Variants in SNTG1 observed in about 807,000 individuals in gnomAD.
The protein encoded by SNTG1 is gamma-1-syntrophin.
SNTG1 carries 39 observed loss-of-function variants against 74.7 expected under a neutral mutation model. The ratio of observed to expected loss-of-function variants is 0.52; its 90% CI spans 0.40 to 0.68. The LOEUF (loss-of-function observed/expected upper bound fraction) is 0.68, where lower values mean the gene tolerates loss of function less well. Among genes scored for constraint, SNTG1 ranks in the 30% least tolerant of loss-of-function variants. The pLI is 0.00. For missense variants in SNTG1, 685 were observed against 609.5 expected (o/e 1.12, Z -1.30); for synonymous variants, 254 against 217.1 (o/e 1.17, Z -1.49).
At chr8:50,072,462 A>C (rs1821454154) in intron 1 of SNTG1, among the ~76,000 whole-genome samples, 1 of 152,210 alleles carries the variant, frequency 6.6e-6, no homozygotes, top group African/African-American at 2.4e-5. Context: ...TATACAGTTA[A>C]TACTTGCCTG....
chr8:50,052,926 A>G (rs1408897030), intron 1 of SNTG1, among the ~76,000 whole-genome samples: 1 of 152,148 alleles, frequency 6.6e-6, no homozygotes, highest in Admixed American at 6.6e-5. Flanking sequence ...ATGCTGGCCC[A>G]GATGCAGAGG....
At chr8:50,209,930 G>A (rs776162759) in intron 2 of SNTG1, among the ~76,000 whole-genome samples, 10 of 152,158 alleles carry the variant, frequency 6.6e-5, no homozygotes, top group African/African-American at 2.4e-4. Context: ...AAACTTCTCT[G>A]AACTAAAGGA....
intron 2 of SNTG1, among the ~76,000 whole-genome samples, chr8:50,365,716 C>T (rs1210027584): frequency 1.3e-5 from 2 of 152,020 alleles, no homozygotes; most frequent in Non-Finnish European, 2.9e-5. Context: ...TTACAATAGA[C>T]TGATTATTTT....
At chr8:50,332,227 A>G (rs1340068782) in intron 2 of SNTG1, among the ~76,000 whole-genome samples, 1 of 152,220 alleles carries the variant, frequency 6.6e-6, no homozygotes, top group Non-Finnish European at 1.5e-5. Flanking sequence ...TTTATGACAT[A>G]CATATTATTC....
chr8:50,295,982 C>T (rs2089349086), intron 2 of SNTG1, among the ~76,000 whole-genome samples: 1 of 152,118 alleles, frequency 6.6e-6, no homozygotes, highest in Admixed American at 6.6e-5. Flanking sequence ...GTGTGCATAG[C>T]TCATTAATGT....
intron 18 of SNTG1, among the ~76,000 whole-genome samples, chr8:50,761,566 G>C (rs1585729646): frequency 6.6e-6 from 1 of 151,664 alleles, no homozygotes; most frequent in Non-Finnish European, 1.5e-5. Flanking sequence ...TTTCTCTTGA[G>C]GGCAGGCCTT....
At chr8:50,470,274 T>C (rs2093641366) in intron 8 of SNTG1, among the ~76,000 whole-genome samples, 1 of 152,184 alleles carries the variant, frequency 6.6e-6, no homozygotes, top group African/African-American at 2.4e-5. Flanking sequence ...GAAATGTCAA[T>C]ATGAGATTAT....
intron 13 of SNTG1, among the ~76,000 whole-genome samples, chr8:50,597,036 T>C (rs1049483772): frequency 6.6e-6 from 1 of 151,862 alleles, no homozygotes; most frequent in Non-Finnish European, 1.5e-5. Context: ...TGTAACTTTG[T>C]ACCCACAGGC....
chr8:50,570,992 C>G (rs1466782561), intron 12 of SNTG1, among the ~76,000 whole-genome samples: 2 of 152,042 alleles, frequency 1.3e-5, no homozygotes, highest in African/African-American at 2.4e-5. Flanking sequence ...TACAAGCGTT[C>G]CCCTTTCTCT....
At chr8:50,235,926 G>A (rs60372370) in intron 2 of SNTG1, among the ~76,000 whole-genome samples, 2,564 of 152,006 alleles carry the variant, frequency 0.017, 72 homozygotes, top group African/African-American at 0.059. Context: ...ATTTAAAGTA[G>A]ATAATATTCT....
At chr8:50,512,807 A>G (rs191169804) in intron 9 of SNTG1, among the ~76,000 whole-genome samples, 4 of 152,104 alleles carry the variant, frequency 2.6e-5, no homozygotes, top group East Asian at 3.9e-4. Flanking sequence ...TATTTTAGTT[A>G]GCCATTCATC....
chr8:50,655,316 C>T (rs1165523669), intron 13 of SNTG1, among the ~76,000 whole-genome samples: 1 of 152,112 alleles, frequency 6.6e-6, no homozygotes, highest in East Asian at 1.9e-4. Context: ...TATTAAGCTT[C>T]ATTTACCTTT....
chr8:50,587,383 GCA>G (rs1053016155), intron 12 of SNTG1, among the ~76,000 whole-genome samples: 1 of 152,080 alleles, frequency 6.6e-6, no homozygotes, highest in African/African-American at 2.4e-5. Flanking sequence ...TGTAATGAAT[GCA>G]CAGTGTTATA....
intron 2 of SNTG1, among the ~76,000 whole-genome samples, chr8:50,258,960 C>T (rs1338443719): frequency 1.3e-5 from 2 of 151,850 alleles, no homozygotes; most frequent in East Asian, 1.9e-4. Context: ...TCAACAAGGT[C>T]TAAACAGGAA....
chr8:50,202,115 TG>T (rs1458402364), intron 2 of SNTG1, among the ~76,000 whole-genome samples: 7 of 152,178 alleles, frequency 4.6e-5, no homozygotes, highest in Non-Finnish European at 1.0e-4. Flanking sequence ...ACCCCATCAA[TG>T]AGGTTGTTTC....
chr8:50,169,589 G>A (rs568001349), intron 1 of SNTG1, among the ~76,000 whole-genome samples: 6 of 152,300 alleles, frequency 3.9e-5, no homozygotes, highest in Admixed American at 2.6e-4. Flanking sequence ...TATTCCAGTT[G>A]GATAGAAACT....
intron 5 of SNTG1, among the ~76,000 whole-genome samples, chr8:50,444,897 G>A (rs2093392170): frequency 6.6e-6 from 1 of 151,752 alleles, no homozygotes; most frequent in African/African-American, 2.4e-5. Flanking sequence ...TAGCTTTATT[G>A]AGGTATAATT....
intron 2 of SNTG1, among the ~76,000 whole-genome samples, chr8:50,366,058 T>A (rs2092100122): frequency 6.6e-6 from 1 of 152,120 alleles, no homozygotes; most frequent in African/African-American, 2.4e-5. Context: ...ACCTGAGTAT[T>A]TGAGGAATAT....
At chr8:50,751,753 A>C (rs2095567888) in intron 17 of SNTG1, among the ~76,000 whole-genome samples, 1 of 152,072 alleles carries the variant, frequency 6.6e-6, no homozygotes, top group Non-Finnish European at 1.5e-5. Flanking sequence ...ACAAGATACT[A>C]AGAGCAATTT....
Sources: allele counts gnomAD v4.1 joint callset (sites outside exome capture counted in the v4.1 genomes callset), GRCh38; gene constraint gnomAD v4.1.1; transcripts MANE v1.5; gene names NCBI Gene and HGNC (gene_info 2026-07-23, HGNC 2026-07-21).